Variants in DRC11 observed in about 807,000 individuals in gnomAD.
DRC11 encodes IQ and AAA domain-containing protein 1.
At chr2:236,329,257 G>A in the DRC11 span, among the ~76,000 whole-genome samples, 1 of 152,190 alleles carries the variant, frequency 6.6e-6, no homozygotes, top group African/African-American at 2.4e-5. Flanking sequence ...ATCCCCCTGT[G>A]CCGTGTAACC....
the DRC11 span, among the ~76,000 whole-genome samples, chr2:236,309,724 C>A: frequency 6.6e-6 from 1 of 152,206 alleles, no homozygotes; most frequent in African/African-American, 2.4e-5. The surrounding 1 kb of genome is among the most constrained non-coding windows in gnomAD (Gnocchi z 5.7). Context: ...GAGAGCAGTG[C>A]TTGCAAGTCT....
At chr2:236,372,151 T>A in the DRC11 span, among the ~76,000 whole-genome samples, 9 of 152,334 alleles carry the variant, frequency 5.9e-5, no homozygotes, top group Non-Finnish European at 1.3e-4. The surrounding 1 kb of genome is among the most constrained non-coding windows in gnomAD (Gnocchi z 4.5). Flanking sequence ...TATCTCGTTT[T>A]TATTATTATT....
the DRC11 span, among the ~76,000 whole-genome samples, chr2:236,469,500 T>C: frequency 6.6e-6 from 1 of 152,238 alleles, no homozygotes; most frequent in African/African-American, 2.4e-5. The surrounding 1 kb of genome is among the most constrained non-coding windows in gnomAD (Gnocchi z 5.8). Context: ...TCAGTGACTT[T>C]CCCGTCATTC....
chr2:236,492,527 G>C, the DRC11 span, among the ~76,000 whole-genome samples: 32 of 152,316 alleles, frequency 2.1e-4, no homozygotes, highest in South Asian at 6.4e-3. Context: ...GCAGGTGCTG[G>C]TTTACCCTGG....
the DRC11 span, among the ~76,000 whole-genome samples, chr2:236,317,344 C>A: frequency 1.5e-4 from 23 of 151,842 alleles, no homozygotes; most frequent in African/African-American, 2.4e-4. This position sits in a 1 kb window ranked among gnomAD's most constrained non-coding sequence, Gnocchi z 5.4. Flanking sequence ...AAATAGGAAG[C>A]CTAAGTATGG....
chr2:236,313,907 A>C, the DRC11 span, among the ~76,000 whole-genome samples: 2 of 152,180 alleles, frequency 1.3e-5, no homozygotes, highest in Admixed American at 1.3e-4. This position sits in a 1 kb window ranked among gnomAD's most constrained non-coding sequence, Gnocchi z 4.5. Flanking sequence ...GCTTAAAGGA[A>C]GAGGAGTAGG....
chr2:236,400,612 G>A, the DRC11 span, among the ~76,000 whole-genome samples: 2 of 152,212 alleles, frequency 1.3e-5, no homozygotes, highest in South Asian at 2.1e-4. This position sits in a 1 kb window ranked among gnomAD's most constrained non-coding sequence, Gnocchi z 7.9. Context: ...TTTGGTCCTC[G>A]GGTTCCCGAA....
chr2:236,448,421 G>A, the DRC11 span, among the ~76,000 whole-genome samples: 3 of 151,930 alleles, frequency 2.0e-5, no homozygotes, highest in South Asian at 2.1e-4. The surrounding 1 kb of genome is among the most constrained non-coding windows in gnomAD (Gnocchi z 5.3). Flanking sequence ...TCTGTCGCCC[G>A]GGCTGGAGTG....
the DRC11 span, among the ~76,000 whole-genome samples, chr2:236,479,172 T>C: frequency 6.6e-6 from 1 of 152,282 alleles, no homozygotes; most frequent in Non-Finnish European, 1.5e-5. The surrounding 1 kb of genome is among the most constrained non-coding windows in gnomAD (Gnocchi z 4.1). Flanking sequence ...TTCCTGTCCT[T>C]TTTTTCCATT....
chr2:236,488,843 C>A, the DRC11 span, among the ~76,000 whole-genome samples: 1 of 152,124 alleles, frequency 6.6e-6, no homozygotes, highest in Non-Finnish European at 1.5e-5. Context: ...CAAAGTTAGG[C>A]GAGGGGCTGT....
the DRC11 span, chr2:236,497,474 T>TCTTATTATACATTCTGGGGGAATGTG: frequency 1.2e-6 from 2 of 1,607,256 alleles, no homozygotes; most frequent in Non-Finnish European, 1.7e-6. This position sits in a 1 kb window ranked among gnomAD's most constrained non-coding sequence, Gnocchi z 5.1. Context: ...TGATGCCACA[T>TCTTATTATACATTCTGGGGGAATGTG]CTTATTATAC....
the DRC11 span, chr2:236,503,845 C>T: frequency 1.4e-6 from 1 of 705,568 alleles, no homozygotes; most frequent in Non-Finnish European, 2.5e-6. The surrounding 1 kb of genome is among the most constrained non-coding windows in gnomAD (Gnocchi z 4.9). Context: ...TGGCCTTGCG[C>T]CCCACCTCCT....
chr2:236,481,541 G>GT, the DRC11 span, among the ~76,000 whole-genome samples: 1 of 152,066 alleles, frequency 6.6e-6, no homozygotes, highest in Non-Finnish European at 1.5e-5. Flanking sequence ...CTGGATATTC[G>GT]TTTTTGATTT....
chr2:236,358,026 A>G, the DRC11 span, among the ~76,000 whole-genome samples: 1 of 119,216 alleles, frequency 8.4e-6, no homozygotes, highest in Non-Finnish European at 1.6e-5. Flanking sequence ...TAGATATAAT[A>G]TGAATATATA....
chr2:236,482,200 T>C, the DRC11 span, among the ~76,000 whole-genome samples: 7 of 152,040 alleles, frequency 4.6e-5, no homozygotes, highest in African/African-American at 1.7e-4. This position sits in a 1 kb window ranked among gnomAD's most constrained non-coding sequence, Gnocchi z 4.5. Context: ...GTAGTCAAAA[T>C]TAGTCAGAAA....
chr2:236,364,057 A>G, the DRC11 span: 1 of 1,264,034 alleles, frequency 7.9e-7, no homozygotes, highest in Non-Finnish European at 1.1e-6. Flanking sequence ...ACTCAAGGTC[A>G]AAACTGCATC....
the DRC11 span, among the ~76,000 whole-genome samples, chr2:236,383,388 A>G: frequency 6.6e-6 from 1 of 152,144 alleles, no homozygotes; most frequent in Non-Finnish European, 1.5e-5. Context: ...TCAGAAAACC[A>G]GCTCTTAGTT....
At chr2:236,357,943 TAA>T in the DRC11 span, among the ~76,000 whole-genome samples, 1 of 87,214 alleles carries the variant, frequency 1.1e-5, no homozygotes, top group African/African-American at 4.8e-5. Flanking sequence ...TATGAATATA[TAA>T]TATATAAATA....
At chr2:236,364,126 C>T in the DRC11 span, 1 of 680,686 alleles carries the variant, frequency 1.5e-6, no homozygotes, top group Non-Finnish European at 2.5e-6. Flanking sequence ...AAACCAGAGA[C>T]ACGCCTCCAT....
Sources: gnomAD v4.1 joint callset for allele counts (sites outside exome capture counted in the v4.1 genomes callset) on GRCh38, gnomAD v4.1.1 for gene constraint, Gnocchi (gnomAD v3.1) non-coding constraint, MANE v1.5 for transcripts, NCBI Gene and HGNC (gene_info 2026-07-23, HGNC 2026-07-21) for gene names.